PTK2: variants seen among roughly 807,000 people sequenced by gnomAD.
PTK2 encodes the protein protein tyrosine kinase 2.
Under a neutral mutation model 150.1 loss-of-function variants are expected in PTK2, and 45 were observed. That is an observed-to-expected ratio of 0.30 (90% confidence interval 0.24 to 0.38). The LOEUF (loss-of-function observed/expected upper bound fraction) is 0.38, where lower values mean the gene tolerates loss of function less well. PTK2 is among the 10% of genes least tolerant of loss of function. The pLI, the probability that PTK2 is intolerant of heterozygous loss-of-function variation, is 1.00. For synonymous variants in PTK2, 432 were observed against 449.2 expected, an observed-to-expected ratio of 0.96 and a Z score of 0.48; for missense variants, 919 against 1,307.3, an observed-to-expected ratio of 0.70 and a Z score of 4.58.
In PTK2 at chr8:140,666,696, G is replaced by A. The variant is rs548797525; in HGVS notation, c.2865+1573C>T. On this transcript the variant is annotated intron_variant, in intron 30 of 31. Coordinates refer to ENST00000522684, the Ensembl canonical transcript of PTK2. ...GGAGGGAATGTAAGATGGTGCAGCC[G>A]CTGTGAAAAACAGAATGGTGGCTCC... 5.9e-5 allele frequency among the ~76,000 whole-genome samples: 9 copies of A among 152,234 alleles called. No individual in the cohort carries two copies. In the South Asian group the frequency reaches 8.3e-4, roughly 14 times the overall value.
chr8:141,001,233 C>A (rs2100200149), exon 1 of PTK2: 3 of 148,612 alleles, frequency 2.0e-5, no homozygotes, highest in South Asian at 3.8e-4. Context: ...TCACAGTGGT[C>A]CGGGACCGGC....
intron 1 of PTK2, among the ~76,000 whole-genome samples, chr8:140,971,782 T>C (rs28811719): frequency 0.022 from 3,382 of 152,334 alleles, 134 homozygotes; most frequent in African/African-American, 0.078. Context: ...TTGCAGTGGA[T>C]ATATTTTCTG....
intron 29 of PTK2, among the ~76,000 whole-genome samples, chr8:140,672,725 T>C (rs2100011320): frequency 1.3e-5 from 2 of 152,226 alleles, no homozygotes; most frequent in Admixed American, 6.5e-5. Context: ...CATTTTTTCT[T>C]ACCCTGGACT....
At chr8:140,951,996 C>T (rs1247688939) in intron 1 of PTK2, among the ~76,000 whole-genome samples, 6 of 151,876 alleles carry the variant, frequency 4.0e-5, no homozygotes, top group African/African-American at 1.5e-4. Context: ...TTTAGACTTT[C>T]GTTTCCCAGC....
At chr8:140,930,899 C>T (rs1383312510) in intron 1 of PTK2, among the ~76,000 whole-genome samples, 1 of 151,832 alleles carries the variant, frequency 6.6e-6, no homozygotes, top group African/African-American at 2.4e-5. Flanking sequence ...CATGGTGAAA[C>T]CCCACTTCTA....
At chr8:140,866,561 T>A (rs920026322) in intron 4 of PTK2, among the ~76,000 whole-genome samples, 3 of 152,172 alleles carry the variant, frequency 2.0e-5, no homozygotes, top group Admixed American at 2.0e-4. Flanking sequence ...TGCCTCAATT[T>A]CCTTATAAGG....
chr8:140,845,021 C>CA (rs2100124527), intron 7 of PTK2, among the ~76,000 whole-genome samples: 1 of 152,120 alleles, frequency 6.6e-6, no homozygotes, highest in African/African-American at 2.4e-5. Context: ...AGCCTCCAGT[C>CA]AGACTCTACC....
intron 17 of PTK2, among the ~76,000 whole-genome samples, chr8:140,751,438 T>C (rs2100062613): frequency 6.6e-6 from 1 of 152,084 alleles, no homozygotes; most frequent in Admixed American, 6.5e-5. Flanking sequence ...GTACTGGGAT[T>C]ACACGTGTGA....
chr8:140,974,719 C>T (rs2100188643), intron 1 of PTK2, among the ~76,000 whole-genome samples: 1 of 152,176 alleles, frequency 6.6e-6, no homozygotes. Context: ...TGGTTGGACT[C>T]CTTTCTGATA....
chr8:140,776,170 A>G (rs1450036937), intron 14 of PTK2, among the ~76,000 whole-genome samples: 1 of 152,134 alleles, frequency 6.6e-6, no homozygotes, highest in Non-Finnish European at 1.5e-5. Context: ...CACCTGGTTA[A>G]TTTTTATATT....
intron 2 of PTK2, among the ~76,000 whole-genome samples, chr8:140,907,459 T>C (rs1348410105): frequency 6.6e-6 from 1 of 152,280 alleles, no homozygotes; most frequent in African/African-American, 2.4e-5. Flanking sequence ...GATTTTCAGA[T>C]CAGGGATACT....
At chr8:140,872,825 T>C (rs2100143321) in intron 4 of PTK2, among the ~76,000 whole-genome samples, 1 of 152,244 alleles carries the variant, frequency 6.6e-6, no homozygotes. Context: ...ATGCTGTATG[T>C]CATATTCCAG....
chr8:140,992,655 G>A (rs2100196188), intron 1 of PTK2, among the ~76,000 whole-genome samples: 1 of 152,216 alleles, frequency 6.6e-6, no homozygotes, highest in African/African-American at 2.4e-5. Flanking sequence ...TGCGTGAACA[G>A]TGTGAATGAG....
At chr8:140,862,042 G>C (rs2100136468) in intron 5 of PTK2, among the ~76,000 whole-genome samples, 1 of 152,154 alleles carries the variant, frequency 6.6e-6, no homozygotes, top group African/African-American at 2.4e-5. Context: ...GGTATGTGCA[G>C]TACTCACTTT....
chr8:140,931,302 C>G (rs2100171671), intron 1 of PTK2, among the ~76,000 whole-genome samples: 1 of 152,130 alleles, frequency 6.6e-6, no homozygotes, highest in South Asian at 2.1e-4. Flanking sequence ...TTGCATTACA[C>G]CAATATAATG....
At chr8:140,965,264 T>TTG (rs2100184841) in intron 1 of PTK2, among the ~76,000 whole-genome samples, 1 of 152,164 alleles carries the variant, frequency 6.6e-6, no homozygotes, top group Non-Finnish European at 1.5e-5. Context: ...ACAGAGCAAC[T>TTG]TGTACTTTCT....
intron 16 of PTK2, among the ~76,000 whole-genome samples, chr8:140,757,239 C>T (rs1273675048): frequency 6.6e-6 from 1 of 152,044 alleles, no homozygotes; most frequent in Non-Finnish European, 1.5e-5. Flanking sequence ...CTTATCTCCC[C>T]CAATCTCAAA....
chr8:140,851,002 T>G (rs1043875870), intron 5 of PTK2, among the ~76,000 whole-genome samples: 5 of 152,206 alleles, frequency 3.3e-5, no homozygotes, highest in Non-Finnish European at 7.3e-5. Context: ...GCTACACAAA[T>G]TTATCAGTTG....
intron 15 of PTK2, among the ~76,000 whole-genome samples, chr8:140,763,029 G>A (rs1166617876): frequency 6.6e-6 from 1 of 152,260 alleles, no homozygotes; most frequent in East Asian, 1.9e-4. Flanking sequence ...CAATTCTCCT[G>A]CCTCTGTCTC....
Sources: allele counts gnomAD v4.1 joint callset (sites outside exome capture counted in the v4.1 genomes callset), GRCh38; gene constraint gnomAD v4.1.1; transcripts MANE v1.5; gene names NCBI Gene and HGNC (gene_info 2026-07-23, HGNC 2026-07-21).